The following PHF14 variants were observed in gnomAD, a reference collection of about 807,000 sequenced individuals.
PHF14 encodes the protein PHD finger protein 14.
PHF14 carries 55 observed loss-of-function variants against 117.9 expected under a neutral mutation model. The observed-to-expected ratio is 0.47, with a 90% CI of 0.38 to 0.58. PHF14 has a LOEUF of 0.58. Ranked by LOEUF, PHF14 falls within the 20% of genes least tolerant of loss-of-function variation. The pLI, the probability that PHF14 is intolerant of heterozygous loss-of-function variation, is 0.00. For synonymous variants in PHF14, 409 were observed against 368.6 expected (o/e 1.11, Z -1.26); for missense variants, 978 against 1,122.2 (o/e 0.87, Z 1.84).
chr7:11,072,346 C>G (rs770076731), intron 16 of PHF14, among the ~76,000 whole-genome samples: 1 of 152,168 alleles, frequency 6.6e-6, no homozygotes, highest in Non-Finnish European at 1.5e-5. Context: ...GAGAAATCTA[C>G]CCCCGTGATC....
intron 17 of PHF14, among the ~76,000 whole-genome samples, chr7:11,133,871 T>A (rs1391681440): frequency 6.6e-6 from 1 of 152,068 alleles, no homozygotes; most frequent in Non-Finnish European, 1.5e-5. Context: ...TTTTAGTTTA[T>A]AGAAGAGTTT....
At chr7:11,024,239 A>G (rs990858883) in intron 6 of PHF14, among the ~76,000 whole-genome samples, 2 of 152,224 alleles carry the variant, frequency 1.3e-5, no homozygotes, top group Non-Finnish European at 2.9e-5. Context: ...AAGCTGCAGA[A>G]GAAAGGTTGA....
At chr7:11,107,492 T>C (rs1330639462) in intron 16 of PHF14, 1 of 862,266 alleles carries the variant, frequency 1.2e-6, no homozygotes, top group African/African-American at 1.8e-5. Context: ...TGCTTTTATC[T>C]TATAATTGGG....
chr7:11,142,307 G>A lies in PHF14; in HGVS notation c.2773-27109G>A, dbSNP rs6968797. On this transcript the variant is annotated intron_variant, in intron 17 of 17. Coordinates refer to ENST00000634607, the MANE Select transcript of PHF14 (RefSeq NM_001007157.2). ...TGATGCCCTTTTCTGTTCTTATAGT[G>A]ATACACATAGCAATTATTCACTGCG... 3.9e-3 allele frequency among the ~76,000 whole-genome samples: 590 copies of A among 151,984 alleles called. 2 individuals are homozygous for A. Among genetic ancestry groups the A allele is most frequent in the African/African-American group, 0.014 (566 of 41,490 alleles).
chr7:11,143,773 T>A (rs1230918664), intron 17 of PHF14, among the ~76,000 whole-genome samples: 1 of 152,102 alleles, frequency 6.6e-6, no homozygotes, highest in Non-Finnish European at 1.5e-5. Context: ...ATCCTCTTGA[T>A]GTTTATGGCC....
intron 17 of PHF14, among the ~76,000 whole-genome samples, chr7:11,138,036 T>G (rs2128350186): frequency 7.4e-6 from 1 of 135,186 alleles, no homozygotes; most frequent in African/African-American, 2.8e-5. Context: ...CAGGGAAAAA[T>G]ACTTCTTTTT....
Position 10,982,914 on chromosome 7 carries a change from G to A in PHF14, c.655G>A (p.Val219Ile). ...EDDNDWRPTV[V>I]KRKGRSASQK... ...TGACAATGATTGGCGACCTACTGTAGTAAAGAGAAAAGGGAGATCTGCGTC... is the reference window on the plus strand; with the variant it reads ...TGACAATGATTGGCGACCTACTGTAATAAAGAGAAAAGGGAGATCTGCGTC... Residue 219 changes from valine to isoleucine, a missense_variant, in exon 3 of 18, where the codon GTA becomes ATA. Around this residue, in one of 7 missense-constraint regions of PHF14, gnomAD observed 414 missense variants for 376.4 expected, o/e 1.10. Transcript: ENST00000634607. 2.5e-6 allele frequency: 4 copies of A among 1,612,430 alleles called. No individual in the cohort carries two copies. The highest frequency in any genetic ancestry group is 2.5e-6 in the Non-Finnish European group (3 of 1,179,002).
At chr7:11,136,601 T>G (rs531757877) in intron 17 of PHF14, among the ~76,000 whole-genome samples, 1 of 152,326 alleles carries the variant, frequency 6.6e-6, no homozygotes, top group African/African-American at 2.4e-5. Context: ...CCATGTTCTA[T>G]TCTAACATCC....
In PHF14 at chr7:10,996,801, C is replaced by T. The variant is rs142245449; in HGVS notation, c.1045+5954C>T. On this transcript the variant is annotated intron_variant, in intron 4 of 17. Coordinates refer to ENST00000634607, the MANE Select transcript of PHF14 (RefSeq NM_001007157.2). ...TTATCAACCTTCTTTGCTAATGCTG[C>T]GGTTGTGAGAACCAGAGCCCACAAG... Among the ~76,000 whole-genome samples, 431 of 152,248 alleles carry T rather than the reference C, an allele frequency of 2.8e-3. 2 individuals are homozygous for T. The highest frequency in any genetic ancestry group is 9.9e-3 in the African/African-American group (410 of 41,558).
At chr7:10,974,973 T>C in intron 2 of PHF14, 28 bp downstream of exon 2, 1 of 1,130,828 alleles carries the variant, frequency 8.8e-7, no homozygotes. Flanking sequence ...TCTTCCCCTT[T>C]CCCAGCTTTC....
intron 17 of PHF14, among the ~76,000 whole-genome samples, chr7:11,142,996 T>C (rs1299137054): frequency 2.0e-5 from 3 of 152,148 alleles, no homozygotes; most frequent in Non-Finnish European, 4.4e-5. Flanking sequence ...AATGTTTGCA[T>C]AGAATAGGAA....
rs7780549 is a variant in PHF14, at chr7:11,020,038, G to C, written c.1206-2830G>C. On this transcript the variant is annotated intron_variant, in intron 5 of 17. Coordinates refer to ENST00000634607, the MANE Select transcript of PHF14 (RefSeq NM_001007157.2). ...TAAATTCCTTAATTTTTAAAAATAA[G>C]CTTTATGTTGCAATAGAAGGCAGCA... 3.4e-3 allele frequency among the ~76,000 whole-genome samples: 516 copies of C among 151,554 alleles called. 2 individuals carry two copies. Among genetic ancestry groups the C allele is most frequent in the African/African-American group, 0.012 (503 of 41,380 alleles).
intron 16 of PHF14, among the ~76,000 whole-genome samples, chr7:11,090,507 A>G (rs1002124084): frequency 6.6e-6 from 1 of 152,240 alleles, no homozygotes; most frequent in Non-Finnish European, 1.5e-5. Flanking sequence ...TGATTATATC[A>G]AGGACCTTGT....
At chr7:11,061,693 C>T (rs1349045046) in intron 14 of PHF14, 98 bp from the exon 15 acceptor site, 2 of 894,072 alleles carry the variant, frequency 2.2e-6, no homozygotes, top group Non-Finnish European at 1.6e-6. Context: ...CTAACCTAAG[C>T]AATAACATTT....
intron 4 of PHF14, among the ~76,000 whole-genome samples, chr7:11,002,394 T>C (rs1489831150): frequency 1.3e-5 from 2 of 151,982 alleles, no homozygotes; most frequent in African/African-American, 4.8e-5. Flanking sequence ...AAGGCAAATA[T>C]CAGGTTGACA....
At chr7:11,103,537 A>C (rs1787161161) in intron 16 of PHF14, 1 of 985,050 alleles carries the variant, frequency 1.0e-6, no homozygotes, top group South Asian at 4.7e-5. Context: ...ATATTTCATC[A>C]CTCAATCTTG....
intron 17 of PHF14, among the ~76,000 whole-genome samples, chr7:11,122,496 A>G (rs886972514): frequency 6.7e-5 from 10 of 148,296 alleles, no homozygotes; most frequent in African/African-American, 2.2e-4. Flanking sequence ...ATTCATACAT[A>G]TAAATTCTTC....
intron 4 of PHF14, among the ~76,000 whole-genome samples, chr7:11,010,741 C>A (rs1268053427): frequency 1.3e-5 from 2 of 152,008 alleles, no homozygotes; most frequent in African/African-American, 4.8e-5. Flanking sequence ...CCCTCCACAT[C>A]CCAGGCTCAA....
chr7:10,998,481 C>G (rs1180264717), intron 4 of PHF14, among the ~76,000 whole-genome samples: 2 of 151,984 alleles, frequency 1.3e-5, no homozygotes, highest in Non-Finnish European at 2.9e-5. Flanking sequence ...GCAATAAGAC[C>G]ACTTGATATT....
Sources: gnomAD v4.1 joint callset for allele counts (sites outside exome capture counted in the v4.1 genomes callset) on GRCh38, gnomAD v4.1.1 for gene constraint, gnomAD v4.1.1 regional missense constraint, MANE v1.5 for transcripts, NCBI Gene and HGNC (gene_info 2026-07-23, HGNC 2026-07-21) for gene names.